CFAP20DC: variants seen among roughly 807,000 people sequenced by gnomAD.
CFAP20DC encodes the protein CFAP20 domain containing.
A neutral mutation model predicts 101.7 loss-of-function variants in CFAP20DC; 84 were observed. The observed-to-expected ratio is 0.83, with a 90% CI of 0.69 to 0.99. CFAP20DC has a LOEUF of 0.99. CFAP20DC is among the 50% of genes least tolerant of loss of function. The probability of loss-of-function intolerance (pLI) is 0.00; values close to 1 mark genes in which losing one functional copy is unlikely to be tolerated. For synonymous variants in CFAP20DC, 359 were observed against 351.2 expected, an observed-to-expected ratio of 1.02 and a Z score of -0.25; for missense variants, 1,007 against 970.3, an observed-to-expected ratio of 1.04 and a Z score of -0.50.
chr3:58,862,234 G>A, intron 12 of CFAP20DC: 7 of 985,266 alleles, frequency 7.1e-6, no homozygotes, highest in Non-Finnish European at 8.4e-6. Context: ...TATGGGAAGG[G>A]GATGAGTCTA....
At chr3:58,723,335 T>C (rs1292192081) in intron 3 of CFAP20DC, among the ~76,000 whole-genome samples, 1 of 152,214 alleles carries the variant, frequency 6.6e-6, no homozygotes, top group East Asian at 1.9e-4. Flanking sequence ...AAACAAAACG[T>C]ATAGTCATCC....
chr3:58,870,019 C>T, intron 8 of CFAP20DC, 154 bp downstream of exon 8: 1 of 652,192 alleles, frequency 1.5e-6, no homozygotes, highest in Non-Finnish European at 2.5e-6. Context: ...ATTTCTGTTC[C>T]AAATTTATTC....
chr3:58,741,563 C>G (rs965832479), downstream of CFAP20DC, among the ~76,000 whole-genome samples: 12 of 150,828 alleles, frequency 8.0e-5, no homozygotes, highest in Admixed American at 7.9e-4. Context: ...GTGGGGCGAT[C>G]TTGGCTCACT....
chr3:58,939,247 A>T (rs1048508528), intron 4 of CFAP20DC, among the ~76,000 whole-genome samples: 14 of 152,114 alleles, frequency 9.2e-5, no homozygotes, highest in Non-Finnish European at 7.3e-5. Context: ...GGGGTACAGG[A>T]TCAAATATGT....
intron 6 of CFAP20DC, among the ~76,000 whole-genome samples, chr3:58,898,083 T>C (rs1268544956): frequency 1.3e-5 from 2 of 152,154 alleles, no homozygotes; most frequent in Non-Finnish European, 2.9e-5. Context: ...ATTCCTTTTT[T>C]TCCCTCTATT....
Position 58,913,725 on chromosome 3 carries a change from T to C in CFAP20DC, c.533A>G (p.Asp178Gly), listed in dbSNP as rs376128191. Residue 178 changes from aspartate to glycine, a missense_variant, in exon 6 of 17, where the codon GAC becomes GGC. By Grantham distance (94) the Asp-to-Gly change is moderately conservative. Coordinates refer to ENST00000482387, the MANE Select transcript of CFAP20DC (RefSeq NM_001394063.1). This position sits in a 1 kb window ranked among gnomAD's most constrained non-coding sequence, Gnocchi z 4.4. ...KIFTLKSKPQ[D>G]TADKDAVYGV... is the part of the protein sequence containing the mutation. The stretch of plus-strand genomic sequence containing the variant: ...GAACATACCATCCTTATCAGCAGTG[T>C]CTTGTGGCTTTGATTTTAAGGTGAA... 5 of 1,613,678 alleles carry C rather than the reference T, an allele frequency of 3.1e-6. No homozygotes were observed. Among genetic ancestry groups the C allele is most frequent in the Non-Finnish European group, 3.4e-6 (4 of 1,179,780 alleles).
At position 58,869,363 on chromosome 3, in the gene CFAP20DC, T is replaced by C. The variant is rs1210340006; in HGVS notation, c.980A>G (p.Asn327Ser). The C allele has an allele frequency of 1.2e-6, 2 of 1,613,716 alleles. No individual in the cohort carries two copies. Among genetic ancestry groups the C allele is most frequent in the Middle Eastern group, 1.7e-4 (1 of 6,056 alleles). The change falls in exon 9 of 17, where the codon AAT becomes AGT. Residue 327 changes from asparagine (N) to serine (S), a missense_variant. Coordinates refer to ENST00000482387, the MANE Select transcript of CFAP20DC (RefSeq NM_001394063.1). The surrounding 1 kb of genome is among the most constrained non-coding windows in gnomAD (Gnocchi z 4.3). Reference sequence around the variant, plus strand: ...TACAGTCTGCTTTATTTGGTGAATATTTTCTTTATTTCCTTGTTCCTCAGA... The same window carrying C: ...TACAGTCTGCTTTATTTGGTGAATACTTTCTTTATTTCCTTGTTCCTCAGA... ...PESEEQGNKENIHQIKQTVPI... is the reference protein window; with the variant it reads ...PESEEQGNKESIHQIKQTVPI...
intron 14 of CFAP20DC, among the ~76,000 whole-genome samples, chr3:58,815,582 T>C (rs1262578701): frequency 1.3e-5 from 2 of 151,082 alleles, no homozygotes; most frequent in Non-Finnish European, 3.0e-5. Context: ...ACCTACAAAA[T>C]GGGAGAAAAT....
chr3:58,833,518 A>C (rs1370722388), intron 13 of CFAP20DC, among the ~76,000 whole-genome samples: 1 of 152,190 alleles, frequency 6.6e-6, no homozygotes, highest in African/African-American at 2.4e-5. Context: ...TCAAAACCAC[A>C]ATGAGATACC....
At chr3:58,803,471 C>T (rs779931412) in intron 15 of CFAP20DC, among the ~76,000 whole-genome samples, 25 of 152,094 alleles carry the variant, frequency 1.6e-4, no homozygotes, top group Non-Finnish European at 3.4e-4. Flanking sequence ...GGGTCTAAAG[C>T]ATTGGGATAC....
chr3:58,761,955 A>C (rs2069653543), intron 15 of CFAP20DC, among the ~76,000 whole-genome samples: 2 of 152,106 alleles, frequency 1.3e-5, no homozygotes, highest in Non-Finnish European at 1.5e-5. Flanking sequence ...CTTTACTTCC[A>C]ACTATGTGGT....
At chr3:59,023,256 C>T (rs2093835890) in intron 4 of CFAP20DC, among the ~76,000 whole-genome samples, 1 of 151,696 alleles carries the variant, frequency 6.6e-6, no homozygotes, top group South Asian at 2.1e-4. Flanking sequence ...ACAAGCACTA[C>T]TGAAGACCAA....
At position 58,880,873 on chromosome 3, in the gene CFAP20DC, T is replaced by A. The variant is rs368815971; in HGVS notation, c.715+3672A>T. Among the ~76,000 whole-genome samples, 23 of 152,276 alleles carry A rather than the reference T, an allele frequency of 1.5e-4. No homozygotes were observed. The East Asian group carries it at 4.4e-3, about 29-fold the overall frequency. On this transcript the variant is annotated intron_variant, in intron 7 of 16. Transcript: ENST00000482387. The stretch of plus-strand genomic sequence containing the variant: ...TGAGTTTATTGTGAATTTTCACACA[T>A]TGGAACTAAAGATTGTGAGATATCT...
intron 6 of CFAP20DC, among the ~76,000 whole-genome samples, chr3:58,895,301 T>G (rs192480854): frequency 5.3e-5 from 8 of 152,376 alleles, no homozygotes; most frequent in Admixed American, 5.2e-4. Flanking sequence ...CTTTTAAAAC[T>G]GAATGCCTTT....
rs1559701200 is a variant in CFAP20DC, at chr3:58,849,395, G to C, written c.1608C>G (p.Ile536Met). ...GDSSEEGNHSIQGSRGPTTGP... is the reference protein window; with the variant it reads ...GDSSEEGNHSMQGSRGPTTGP... ...CAGTTGTTGGGCCTCGAGAACCCTGGATACTGTGGTTACCCTATGTTGGGG... is the reference window on the plus strand; with the variant it reads ...CAGTTGTTGGGCCTCGAGAACCCTGCATACTGTGGTTACCCTATGTTGGGG... The change falls in exon 13 of 17, where the codon ATC (isoleucine) becomes ATG (methionine). Residue 536 changes from isoleucine (I) to methionine (M), a missense_variant. Ile to Met is a conservative substitution (Grantham distance 10). Transcript: ENST00000482387. 1 of 1,529,110 alleles carries C rather than the reference G, an allele frequency of 6.5e-7. No individual in the cohort carries two copies. The highest frequency in any genetic ancestry group is 8.7e-7 in the Non-Finnish European group (1 of 1,144,538). 94.7% of individuals were successfully genotyped at this position (1,529,110 alleles called of 1,614,324 possible). A position where few individuals can be genotyped will look rare whatever the true frequency, so the allele number is the denominator to read the frequency against.
In CFAP20DC at chr3:58,717,633, A is replaced by G. The variant is rs1464726223; in HGVS notation, c.198-5T>C. 4.4e-6 allele frequency: 2 copies of G among 450,096 alleles called. No homozygotes were observed. The highest frequency in any genetic ancestry group is 1.4e-4 in the East Asian group (2 of 14,318). The allele number at this position is 450,096 out of a possible 1,614,324, so 27.9% of individuals were successfully genotyped here. A position where few individuals can be genotyped will look rare whatever the true frequency, so the allele number is the denominator to read the frequency against. On this transcript the variant is annotated splice_polypyrimidine_tract_variant and splice_region_variant and intron_variant, in intron 3 of 3. Transcript: ENST00000486145. The surrounding 1 kb of genome is among the most constrained non-coding windows in gnomAD (Gnocchi z 4.1). Reference sequence around the variant, plus strand: ...TAGCACTTCCAGACATTTCTTCTGCATTTCAGGTAGGAGAAGAGAGAAGAA... The same window carrying G: ...TAGCACTTCCAGACATTTCTTCTGCGTTTCAGGTAGGAGAAGAGAGAAGAA...
At chr3:58,809,640 G>T (rs1437481995) in intron 14 of CFAP20DC, among the ~76,000 whole-genome samples, 1 of 152,104 alleles carries the variant, frequency 6.6e-6, no homozygotes, top group Non-Finnish European at 1.5e-5. Context: ...ACAATTAAAA[G>T]AACTAGAAAA....
intron 12 of CFAP20DC, among the ~76,000 whole-genome samples, chr3:58,852,377 C>A: frequency 6.6e-6 from 1 of 151,830 alleles, no homozygotes; most frequent in Non-Finnish European, 1.5e-5. Context: ...TAGACTCCCA[C>A]ACATTAATAA....
intron 7 of CFAP20DC, among the ~76,000 whole-genome samples, chr3:58,871,935 C>A (rs1437603400): frequency 6.6e-6 from 1 of 152,142 alleles, no homozygotes; most frequent in East Asian, 1.9e-4. Context: ...CGCCTCCTGA[C>A]TAGATGCAGA....
Sources: allele counts gnomAD v4.1 joint callset (sites outside exome capture counted in the v4.1 genomes callset), GRCh38; gene constraint gnomAD v4.1.1; non-coding constraint Gnocchi (gnomAD v3.1); transcripts MANE v1.5; gene names NCBI Gene and HGNC (gene_info 2026-07-23, HGNC 2026-07-21).